Variants in STRIP1 observed in about 807,000 individuals in gnomAD.
The protein encoded by STRIP1 is striatin-interacting protein 1.
In STRIP1, 63 loss-of-function variants were observed where a neutral mutation model predicts 106.2. The observed-to-expected ratio is 0.59, with a 90% CI of 0.48 to 0.73. The LOEUF (loss-of-function observed/expected upper bound fraction) is 0.73, where lower values mean the gene tolerates loss of function less well. STRIP1 is among the 30% of genes least tolerant of loss of function. The pLI, the probability that STRIP1 is intolerant of heterozygous loss-of-function variation, is 0.00. For missense variants in STRIP1, 857 were observed against 1,074.8 expected, an observed-to-expected ratio of 0.80 and a Z score of 2.83; for synonymous variants, 390 against 413.0, an observed-to-expected ratio of 0.94 and a Z score of 0.67.
At chr1:110,047,431 C>CATCA in intron 13 of STRIP1, 111 bp from the exon 14 acceptor site, 1 of 775,262 alleles carries the variant, frequency 1.3e-6, no homozygotes, top group Non-Finnish European at 2.2e-6. Flanking sequence ...TCATCATTAA[C>CATCA]ATCATTATGT....
At chr1:110,051,199 C>A in intron 19 of STRIP1, 139 bp downstream of exon 19, 1 of 639,732 alleles carries the variant, frequency 1.6e-6, no homozygotes, top group Non-Finnish European at 2.8e-6. Flanking sequence ...TTTTAAGGGC[C>A]AATTCCCAGT....
At chr1:110,045,140 C>G in intron 12 of STRIP1, 62 bp downstream of exon 12, 5 of 1,491,292 alleles carry the variant, frequency 3.4e-6, no homozygotes, top group Non-Finnish European at 4.7e-6. Flanking sequence ...TGAAACCAGC[C>G]TGTAGGGAGA....
intron 2 of STRIP1, 164 bp downstream of exon 2, chr1:110,038,124 T>C (rs1230699917): frequency 6.2e-6 from 1 of 161,830 alleles, no homozygotes; most frequent in Non-Finnish European, 1.1e-5. Context: ...GTATAAAACA[T>C]GTTATTTGAT....
chr1:110,039,190 C>G lies in STRIP1; in HGVS notation c.344C>G (p.Thr115Ser). Reference sequence around the variant, plus strand: ...CCTGCAGTGACAGACAAGAAGTGGACTGAGCTGGATACCAACCAGCACCGG... The same window carrying G: ...CCTGCAGTGACAGACAAGAAGTGGAGTGAGCTGGATACCAACCAGCACCGG... ...FRIHVTDKKW[T>S]ELDTNQHRTH... The change falls in exon 4 of 21, where the codon ACT becomes AGT. Residue 115 changes from threonine (T) to serine (S), a missense_variant. Around this residue, in one of 2 missense-constraint regions of STRIP1, gnomAD observed 750 missense variants for 989.8 expected, o/e 0.76. Coordinates refer to ENST00000369795, the MANE Select transcript of STRIP1 (RefSeq NM_033088.4). The G allele has an allele frequency of 6.2e-7, 1 of 1,614,196 alleles. No individual in the cohort carries two copies. The highest frequency in any genetic ancestry group is 8.5e-7 in the Non-Finnish European group (1 of 1,180,032).
chr1:110,032,175 A>G (rs1325893557), upstream of STRIP1, among the ~76,000 whole-genome samples: 2 of 152,348 alleles, frequency 1.3e-5, no homozygotes, highest in East Asian at 1.9e-4. Context: ...ATCTATTACT[A>G]GAAGTGGAAT....
chr1:110,042,980 TA>T, intron 8 of STRIP1, 107 bp from the exon 9 acceptor site: 1 of 1,144,978 alleles, frequency 8.7e-7, no homozygotes, highest in Non-Finnish European at 1.2e-6. Flanking sequence ...TGGGTCTCTA[TA>T]AAGACATGGG....
rs1557796576 is a variant in STRIP1, at chr1:110,050,985, G to A, written c.1986G>A (p.Trp662Ter). Reference sequence around the variant, plus strand: ...CAGGTGACAGTAACCAATTTTGCTGGAGGAACCTCTTTTCTTGTATCAATC... The same window carrying A: ...CAGGTGACAGTAACCAATTTTGCTGAAGGAACCTCTTTTCTTGTATCAATC... ...LEAGDSNQFC[W>*]RNLFSCINLL... Residue 662 changes from tryptophan to a stop codon, truncating the protein, a stop_gained, in exon 19 of 21, where the codon TGG becomes TGA. Transcript: ENST00000369795. LOFTEE classifies it high-confidence loss of function. 6.2e-7 allele frequency: 1 copy of A among 1,613,784 alleles called. No homozygotes were observed. Among genetic ancestry groups the A allele is most frequent in the Non-Finnish European group, 8.5e-7 (1 of 1,179,628 alleles).
rs758469732 is a variant in STRIP1, at chr1:110,043,743, G to A, written c.1173G>A (p.Leu391=). 1 of 1,614,204 alleles carries A rather than the reference G, an allele frequency of 6.2e-7. No homozygotes were observed. Among genetic ancestry groups the A allele is most frequent in the South Asian group, 1.1e-5 (1 of 91,084 alleles). ...EEEENDDDNS[L]EGETFPLERD... ...AGGAGAATGATGATGACAACAGTCT[G>A]GAGGGGGAGACGTTTCCCCTGGAAC... The change falls in exon 10 of 21, where the codon CTG becomes CTA. Residue 391 remains leucine, a synonymous_variant. Transcript: ENST00000369795.
chr1:110,046,911 G>A (rs1376686787), intron 13 of STRIP1, among the ~76,000 whole-genome samples, 160 bp downstream of exon 13: 3 of 152,078 alleles, frequency 2.0e-5, no homozygotes, highest in Non-Finnish European at 4.4e-5. Flanking sequence ...TTAGCCAGCC[G>A]TGGTGGCGGG....
At position 110,034,686 on chromosome 1, in the gene STRIP1, C is replaced by A; in HGVS notation, c.49C>A (p.Gln17Lys). The change falls in exon 1 of 21, where the codon CAG (glutamine) becomes AAG (lysine). Residue 17 changes from glutamine (Q) to lysine (K), a missense_variant. This residue lies in a region of STRIP1 where 107 missense variants were observed against 85.1 expected (regional missense o/e 1.26). Transcript: ENST00000369795. ...GGGCCCACTGATCGTGAACAACAAA[C>A]AGCCCCAGCCCCCGCCACCTCCGCC... is the stretch of plus-strand genomic sequence containing the variant. The part of the protein sequence containing the change: ...GPGPLIVNNK[Q>K]PQPPPPPPPA... 6.6e-7 allele frequency: 1 copy of A among 1,517,362 alleles called. No individual in the cohort carries two copies. The highest frequency in any genetic ancestry group is 1.4e-5 in the African/African-American group (1 of 69,210). The allele number at this position is 1,517,362 out of a possible 1,614,324, so 94.0% of individuals were successfully genotyped here.
chr1:110,035,855 A>G (rs1474134342), intron 1 of STRIP1, among the ~76,000 whole-genome samples: 1 of 152,208 alleles, frequency 6.6e-6, no homozygotes, highest in African/African-American at 2.4e-5. Context: ...GCAAGGCTAA[A>G]CCCCTGAGAA....
Position 110,051,818 on chromosome 1 carries a change from A to T in STRIP1, c.2197A>T (p.Met733Leu). The T allele has an allele frequency of 6.2e-7, 1 of 1,613,632 alleles. No individual in the cohort carries two copies. Among genetic ancestry groups the T allele is most frequent in the Non-Finnish European group, 8.5e-7 (1 of 1,180,030 alleles). The change falls in exon 20 of 21, where the codon ATG becomes TTG. Residue 733 changes from methionine to leucine, a missense_variant. This residue lies in a region of STRIP1 where 750 missense variants were observed against 989.8 expected (regional missense o/e 0.76). Coordinates refer to ENST00000369795, the MANE Select transcript of STRIP1 (RefSeq NM_033088.4). ...GGGGCGGCAGTGGCGAAAGAGCAACATGAAGACCATGTCTGCCATCTACCA... is the reference window on the plus strand; with the variant it reads ...GGGGCGGCAGTGGCGAAAGAGCAACTTGAAGACCATGTCTGCCATCTACCA... ...YLGRQWRKSN[M>L]KTMSAIYQKV...
intron 1 of STRIP1, among the ~76,000 whole-genome samples, chr1:110,035,120 C>A (rs1045765262): frequency 1.3e-5 from 2 of 152,204 alleles, no homozygotes; most frequent in Admixed American, 6.5e-5. Context: ...GGAAGCCGCT[C>A]TCGCCCCAGC....
chr1:110,054,557 A>C lies in STRIP1; in HGVS notation c.*645A>C, dbSNP rs1021717603. On this transcript the variant is annotated 3_prime_UTR_variant, in exon 21 of 21. Transcript: ENST00000369795. ...CTTTCGAGGGCCTGTAAATATCTAT[A>C]TATAATTCTGTGTGTATTCTGTGTC... 2.0e-5 allele frequency: 3 copies of C among 152,882 alleles called. No individual in the cohort carries two copies. Among genetic ancestry groups the C allele is most frequent in the East Asian group, 1.9e-4 (1 of 5,196 alleles). 9.5% of individuals were successfully genotyped at this position (152,882 alleles called of 1,614,324 possible). A position where few individuals can be genotyped will look rare whatever the true frequency, so the allele number is the denominator to read the frequency against.
chr1:110,051,955 G>A, intron 20 of STRIP1, 68 bp downstream of exon 20: 1 of 1,517,588 alleles, frequency 6.6e-7, no homozygotes, highest in Non-Finnish European at 9.0e-7. Context: ...TTCACTCCCT[G>A]CCCGTGGTAC....
intron 5 of STRIP1, among the ~76,000 whole-genome samples, chr1:110,040,324 G>T (rs573207428): frequency 3.0e-4 from 46 of 152,314 alleles, no homozygotes; most frequent in African/African-American, 9.6e-4. Flanking sequence ...TGGGTTTACA[G>T]GTGCCTGCCA....
intron 10 of STRIP1, among the ~76,000 whole-genome samples, chr1:110,044,131 CAAATA>C (rs1281585486): frequency 6.6e-6 from 1 of 152,140 alleles, no homozygotes; most frequent in Non-Finnish European, 1.5e-5. Context: ...GGATAGGAAA[CAAATA>C]AAAACAAAAG....
intron 10 of STRIP1, 93 bp downstream of exon 10, chr1:110,043,949 C>T: frequency 8.4e-7 from 1 of 1,185,578 alleles, no homozygotes; most frequent in Non-Finnish European, 1.2e-6. Flanking sequence ...CATGTGTGGT[C>T]CTCTGCAGGG....
chr1:110,037,737 T>C (rs1005760053), intron 1 of STRIP1, among the ~76,000 whole-genome samples, 154 bp from the exon 2 acceptor site: 1 of 152,164 alleles, frequency 6.6e-6, no homozygotes, highest in Non-Finnish European at 1.5e-5. Flanking sequence ...AGGAAAAGTA[T>C]AGGATACTCT....
Sources: gnomAD v4.1 joint callset for allele counts (sites outside exome capture counted in the v4.1 genomes callset) on GRCh38, gnomAD v4.1.1 for gene constraint, gnomAD v4.1.1 regional missense constraint, MANE v1.5 for transcripts, NCBI Gene and HGNC (gene_info 2026-07-23, HGNC 2026-07-21) for gene names.